The following AKAP13 variants were observed in gnomAD, a reference collection of about 807,000 sequenced individuals.
The protein encoded by AKAP13 is A-kinase anchor protein 13.
AKAP13 carries 80 observed loss-of-function variants against 264.5 expected under a neutral mutation model. The observed-to-expected ratio is 0.30, with a 90% CI of 0.25 to 0.36. AKAP13 has a LOEUF of 0.36. Ranked by LOEUF, AKAP13 falls within the 10% of genes least tolerant of loss-of-function variation. The pLI, the probability that AKAP13 is intolerant of heterozygous loss-of-function variation, is 1.00. For synonymous variants in AKAP13, 1,380 were observed against 1,250.2 expected, an observed-to-expected ratio of 1.10 and a Z score of -2.19; for missense variants, 3,712 against 3,435.2, an observed-to-expected ratio of 1.08 and a Z score of -2.01.
At chr15:85,571,375 C>G (rs1389850510) in intron 5 of AKAP13, among the ~76,000 whole-genome samples, 5 of 151,796 alleles carry the variant, frequency 3.3e-5, no homozygotes, top group Admixed American at 1.3e-4. Flanking sequence ...GTCTATAGAT[C>G]TGTTCTTTAA....
chr15:85,650,020 A>G (rs537288650), intron 10 of AKAP13, among the ~76,000 whole-genome samples: 70 of 152,324 alleles, frequency 4.6e-4, no homozygotes, highest in Non-Finnish European at 1.5e-4. Flanking sequence ...AATGACTTAT[A>G]TAAGATACAA....
chr15:85,735,775 A>G, intron 32 of AKAP13, 145 bp downstream of exon 32: 1 of 921,340 alleles, frequency 1.1e-6, no homozygotes, highest in Non-Finnish European at 1.6e-6. Flanking sequence ...TCACATTTTT[A>G]AAACAAATAG....
chr15:85,644,397 T>C (rs1381080879), intron 9 of AKAP13, among the ~76,000 whole-genome samples: 4 of 151,846 alleles, frequency 2.6e-5, no homozygotes, highest in African/African-American at 9.6e-5. Flanking sequence ...CCTGCCACCA[T>C]GCCTGGCTAA....
intron 1 of AKAP13, among the ~76,000 whole-genome samples, chr15:85,432,498 A>G (rs1215281684): frequency 6.6e-6 from 1 of 152,172 alleles, no homozygotes; most frequent in Non-Finnish European, 1.5e-5. Flanking sequence ...TACTGGTGAT[A>G]AAGATTACTA....
rs935492680 is a variant in AKAP13 at position 85,741,603 on chromosome 15, C to T, written c.8058+108C>T. The T allele has an allele frequency of 3.5e-6, 5 of 1,416,282 alleles. No homozygotes were observed. In the African/African-American group the frequency reaches 5.8e-5, roughly 16 times the overall value. 87.7% of individuals were successfully genotyped at this position (1,416,282 alleles called of 1,614,324 possible). A position where few individuals can be genotyped will look rare whatever the true frequency, so the allele number is the denominator to read the frequency against. On this transcript the variant is annotated intron_variant, in intron 35 of 36. Coordinates refer to ENST00000394518, the MANE Select transcript of AKAP13 (RefSeq NM_007200.5). Reference sequence around the variant, plus strand: ...CAGAAATATAGAGCCTGTTTTTGGCCAGATGCTCATGCCTGTGATCCCAGC... The same window carrying T: ...CAGAAATATAGAGCCTGTTTTTGGCTAGATGCTCATGCCTGTGATCCCAGC...
intron 1 of AKAP13, among the ~76,000 whole-genome samples, chr15:85,471,048 G>T (rs1010844007): frequency 8.5e-5 from 13 of 152,098 alleles, no homozygotes; most frequent in African/African-American, 2.7e-4. Flanking sequence ...CTTGTTGCCA[G>T]CCTGTTACTG....
chr15:85,743,987 T>C (rs1343651021), intron 36 of AKAP13, 162 bp downstream of exon 36: 19 of 794,708 alleles, frequency 2.4e-5, no homozygotes, highest in Non-Finnish European at 3.5e-5. Context: ...AGAGCACTCA[T>C]GCAGCGAACA....
intron 2 of AKAP13, among the ~76,000 whole-genome samples, chr15:85,510,036 C>T (rs1457354969): frequency 2.0e-5 from 3 of 152,318 alleles, no homozygotes; most frequent in South Asian, 2.1e-4. Flanking sequence ...CCCTGCCCTG[C>T]GTTTTGCTCA....
chr15:85,530,177 C>A (rs1360552810), intron 3 of AKAP13, among the ~76,000 whole-genome samples: 1 of 152,198 alleles, frequency 6.6e-6, no homozygotes, highest in Non-Finnish European at 1.5e-5. Flanking sequence ...CGCGCCCCAA[C>A]ACACACCCAT....
rs115437189 is a variant in AKAP13, at chr15:85,655,496, C to T, written c.4454C>T (p.Ser1485Phe). ...TDDTASLDRH[S>F]SHGSDVSLSQ... ...GACACGGCTTCACTGGACCGACATT[C>T]TTCTCATGGCAGTGATGTGTCTCTC... The change falls in exon 11 of 37, where the codon TCT becomes TTT. Residue 1485 changes from serine (S) to phenylalanine (F), a missense_variant. Around this residue, in one of 3 missense-constraint regions of AKAP13, gnomAD observed 2,759 missense variants for 2,411.7 expected, o/e 1.14. Transcript: ENST00000394518. The T allele has an allele frequency of 1.2e-6, 2 of 1,614,202 alleles. No homozygotes were observed. Among genetic ancestry groups the T allele is most frequent in the East Asian group, 4.5e-5 (2 of 44,884 alleles).
intron 17 of AKAP13, 142 bp downstream of exon 17, chr15:85,693,593 TA>T: frequency 7.2e-7 from 1 of 1,386,446 alleles, no homozygotes; most frequent in Non-Finnish European, 9.5e-7. Flanking sequence ...TTAGACATGA[TA>T]AAAGAAAGAA....
chr15:85,692,613 C>T (rs1597080092), intron 16 of AKAP13, among the ~76,000 whole-genome samples: 2 of 152,218 alleles, frequency 1.3e-5, no homozygotes, highest in African/African-American at 4.8e-5. Context: ...TCCAGCCTCC[C>T]CTTCTTATCA....
intron 8 of AKAP13, among the ~76,000 whole-genome samples, chr15:85,630,109 C>G (rs1029145735): frequency 6.6e-6 from 1 of 151,692 alleles, no homozygotes; most frequent in African/African-American, 2.4e-5. Context: ...AGTTCTCTGG[C>G]TCTTAGACAC....
chr15:85,458,386 GTTTTTTGTTT>G (rs2074364003), intron 1 of AKAP13, among the ~76,000 whole-genome samples: 1 of 103,932 alleles, frequency 9.6e-6, no homozygotes, highest in African/African-American at 5.1e-5. Flanking sequence ...TGTATTTTTT[GTTTTTTGTTT>G]TTTTTTTTTT....
At chr15:85,618,307 T>C (rs2081031294) in intron 8 of AKAP13, among the ~76,000 whole-genome samples, 1 of 152,178 alleles carries the variant, frequency 6.6e-6, no homozygotes, top group Admixed American at 6.5e-5. Flanking sequence ...TCACCAACTT[T>C]GTTTGCAATG....
chr15:85,389,529 C>T (rs913881189), intron 1 of AKAP13, among the ~76,000 whole-genome samples: 7 of 152,122 alleles, frequency 4.6e-5, no homozygotes, highest in Middle Eastern at 3.2e-3. Context: ...CCAGTTACTC[C>T]GTCATGGTTA....
At chr15:85,729,277 T>G (rs948298812) in intron 29 of AKAP13, among the ~76,000 whole-genome samples, 1 of 151,870 alleles carries the variant, frequency 6.6e-6, no homozygotes, top group Non-Finnish European at 1.5e-5. Flanking sequence ...CCACTGCACT[T>G]CACTTCAGCC....
rs114607971 is a variant in AKAP13 at position 85,592,627 on chromosome 15, C to T, written c.4161+6804C>T. On this transcript the variant is annotated intron_variant, in intron 8 of 36. Transcript: ENST00000394518. ...GAGAGGCAGGCTCTCCTTAAATTAT[C>T]CCATATAGGTCCAAAGCTAGAGCTA... Among the ~76,000 whole-genome samples, 1,070 of 152,248 alleles carry T rather than the reference C, an allele frequency of 7.0e-3. 12 individuals are homozygous for T. Among genetic ancestry groups the T allele is most frequent in the African/African-American group, 0.021 (882 of 41,530 alleles).
chr15:85,633,535 CTTTTTTTTTTTTTTTT>C (rs56687591), intron 8 of AKAP13, among the ~76,000 whole-genome samples: 29 of 97,740 alleles, frequency 3.0e-4, no homozygotes, highest in Admixed American at 4.7e-4. Flanking sequence ...CTTTTTTTTT[CTTTTTTTTTTTTTTTT>C]TTTTTTTTTT....
Sources: gnomAD v4.1 joint callset for allele counts (sites outside exome capture counted in the v4.1 genomes callset) on GRCh38, gnomAD v4.1.1 for gene constraint, gnomAD v4.1.1 regional missense constraint, MANE v1.5 for transcripts, NCBI Gene and HGNC (gene_info 2026-07-23, HGNC 2026-07-21) for gene names.